The following PDE1A variants were observed in gnomAD, a reference collection of about 807,000 sequenced individuals.
PDE1A encodes dual specificity calcium/calmodulin-dependent 3',5'-cyclic nucleotide phosphodiesterase 1A.
PDE1A carries 35 observed loss-of-function variants against 61.7 expected under a neutral mutation model. That is an observed-to-expected ratio of 0.57 (90% CI 0.43 to 0.75). The LOEUF is 0.75. Among genes scored for constraint, PDE1A ranks in the 30% least tolerant of loss-of-function variants. The pLI, the probability that PDE1A is intolerant of heterozygous loss-of-function variation, is 0.00. For synonymous variants in PDE1A, 232 were observed against 213.2 expected (o/e 1.09, Z -0.77); for missense variants, 597 against 630.6 (o/e 0.95, Z 0.57).
chr2:182,293,236 T>C (rs1694654706), intron 1 of PDE1A, among the ~76,000 whole-genome samples: 1 of 152,106 alleles, frequency 6.6e-6, no homozygotes, highest in African/African-American at 2.4e-5. Context: ...AAATTCTTCC[T>C]CAGAAATTTG....
intron 1 of PDE1A, among the ~76,000 whole-genome samples, chr2:182,301,547 T>C (rs751528299): frequency 6.6e-6 from 1 of 152,156 alleles, no homozygotes; most frequent in Non-Finnish European, 1.5e-5. Context: ...CAAGGGAGGA[T>C]AGAGTAAGGG....
intron 1 of PDE1A, among the ~76,000 whole-genome samples, chr2:182,371,710 G>A (rs1161926670): frequency 6.6e-6 from 1 of 152,058 alleles, no homozygotes; most frequent in African/African-American, 2.4e-5. Context: ...GTCATGTCTT[G>A]CCTCATTAAA....
intron 3 of PDE1A, among the ~76,000 whole-genome samples, 188 bp downstream of exon 3, chr2:182,239,922 A>C (rs750009789): frequency 1.3e-5 from 2 of 152,238 alleles, no homozygotes; most frequent in Non-Finnish European, 2.9e-5. Context: ...AAAAGAATGC[A>C]TCCGGGACCA....
the PDE1A span, among the ~76,000 whole-genome samples, chr2:182,571,150 A>G: frequency 6.6e-6 from 1 of 152,204 alleles, no homozygotes; most frequent in Non-Finnish European, 1.5e-5. Flanking sequence ...TTATCCTTGA[A>G]TGCTTCCTGA....
intron 1 of PDE1A, among the ~76,000 whole-genome samples, chr2:182,390,224 G>A (rs1243351694): frequency 1.3e-5 from 2 of 152,058 alleles, no homozygotes; most frequent in Non-Finnish European, 1.5e-5. Flanking sequence ...CTGAATTTAA[G>A]GATGGATTTC....
chr2:182,264,729 A>G (rs996553755), intron 1 of PDE1A, among the ~76,000 whole-genome samples: 3 of 151,282 alleles, frequency 2.0e-5, no homozygotes, highest in African/African-American at 7.3e-5. Context: ...TATTCCTATA[A>G]TTTATTCTAT....
At chr2:182,545,794 C>T in the PDE1A span, among the ~76,000 whole-genome samples, 67 of 152,278 alleles carry the variant, frequency 4.4e-4, no homozygotes, top group African/African-American at 1.5e-3. Flanking sequence ...GGAGTTTATA[C>T]TTCTGTTTCT....
chr2:182,400,694 T>C (rs1434238111), intron 1 of PDE1A, among the ~76,000 whole-genome samples: 1 of 152,168 alleles, frequency 6.6e-6, no homozygotes, highest in Admixed American at 6.5e-5. Context: ...TGATGTCTTT[T>C]GAGTTTAATA....
the PDE1A span, among the ~76,000 whole-genome samples, chr2:182,643,295 C>T: frequency 1.3e-5 from 2 of 152,266 alleles, no homozygotes; most frequent in Middle Eastern, 3.4e-3. Context: ...AAAATTAGTG[C>T]TGAGAGGTTA....
chr2:182,447,326 C>CAGA (rs1353238803), intron 2 of PDE1A, among the ~76,000 whole-genome samples: 2 of 152,098 alleles, frequency 1.3e-5, no homozygotes, highest in Non-Finnish European at 1.5e-5. Flanking sequence ...AAGACCGTAT[C>CAGA]AGAATCTACT....
chr2:182,708,315 G>T, the PDE1A span, among the ~76,000 whole-genome samples: 1 of 151,862 alleles, frequency 6.6e-6, no homozygotes, highest in Non-Finnish European at 1.5e-5. Context: ...TTTGGGTAGG[G>T]ACACAGCCAA....
downstream of PDE1A, among the ~76,000 whole-genome samples, chr2:182,146,115 C>A (rs1181690700): frequency 6.6e-6 from 1 of 152,210 alleles, no homozygotes; most frequent in African/African-American, 2.4e-5. Flanking sequence ...TCCCTCCTTT[C>A]TAACTGCCCA....
the PDE1A span, among the ~76,000 whole-genome samples, chr2:182,659,856 C>CA: frequency 6.6e-6 from 1 of 152,116 alleles, no homozygotes; most frequent in East Asian, 1.9e-4. Flanking sequence ...AAAGGTAAAA[C>CA]AAAATACTAT....
chr2:182,479,809 C>T (rs1348789214), intron 2 of PDE1A, among the ~76,000 whole-genome samples: 4 of 151,688 alleles, frequency 2.6e-5, no homozygotes, highest in African/African-American at 9.7e-5. Context: ...CTTGCTTTTA[C>T]TTATTTTATT....
At chr2:182,265,683 A>C (rs1692583674) in intron 1 of PDE1A, among the ~76,000 whole-genome samples, 1 of 152,198 alleles carries the variant, frequency 6.6e-6, no homozygotes, top group Non-Finnish European at 1.5e-5. Context: ...TTACCTTAAC[A>C]AGTTTGTAAC....
At chr2:182,683,583 C>A in the PDE1A span, among the ~76,000 whole-genome samples, 2 of 152,002 alleles carry the variant, frequency 1.3e-5, no homozygotes, top group African/African-American at 2.4e-5. Flanking sequence ...TTTCTAACCC[C>A]AAATACAAAC....
chr2:182,211,746 A>G (rs1472996809), intron 7 of PDE1A, among the ~76,000 whole-genome samples: 4 of 152,178 alleles, frequency 2.6e-5, no homozygotes, highest in Non-Finnish European at 5.9e-5. Context: ...TAAATATTTA[A>G]TTTTGAGTGG....
At chr2:182,208,620 T>C (rs528362200) in intron 7 of PDE1A, among the ~76,000 whole-genome samples, 19 of 152,302 alleles carry the variant, frequency 1.2e-4, no homozygotes, top group African/African-American at 4.6e-4. Context: ...CCACAGGCAC[T>C]GGACGCCAGC....
the PDE1A span, among the ~76,000 whole-genome samples, chr2:182,636,250 G>GC: frequency 3.3e-5 from 5 of 151,942 alleles, no homozygotes; most frequent in Admixed American, 1.3e-4. Flanking sequence ...GATACATTGA[G>GC]CCCGGCCTCA....
Sources: gnomAD v4.1 joint callset for allele counts (sites outside exome capture counted in the v4.1 genomes callset) on GRCh38, gnomAD v4.1.1 for gene constraint, MANE v1.5 for transcripts, NCBI Gene and HGNC (gene_info 2026-07-23, HGNC 2026-07-21) for gene names.